Variants in MTDH observed in about 807,000 individuals in gnomAD.
MTDH encodes metadherin.
MTDH carries 34 observed loss-of-function variants against 72.7 expected under a neutral mutation model. The ratio of observed to expected loss-of-function variants is 0.47; its 90% CI spans 0.36 to 0.62. The LOEUF (loss-of-function observed/expected upper bound fraction) is 0.62. MTDH is among the 20% of genes least tolerant of loss of function. MTDH has a pLI of 0.00. For synonymous variants in MTDH, 266 were observed against 268.9 expected, an observed-to-expected ratio of 0.99 and a Z score of 0.10; for missense variants, 677 against 699.4, an observed-to-expected ratio of 0.97 and a Z score of 0.36.
intron 1 of MTDH, 39 bp downstream of exon 1, chr8:97,644,926 G>A (rs530284496): frequency 8.8e-5 from 131 of 1,493,602 alleles, no homozygotes; most frequent in Non-Finnish European, 1.1e-4. Context: ...ACGGGCGAAG[G>A]GCGGGCGTGG....
chr8:97,684,152 A>C (rs1164909555), intron 2 of MTDH, among the ~76,000 whole-genome samples: 1 of 152,008 alleles, frequency 6.6e-6, no homozygotes, highest in Non-Finnish European at 1.5e-5. Flanking sequence ...AAAAAAAAAA[A>C]AAACGACTAG....
At chr8:97,673,738 G>T (rs1032847249) in intron 2 of MTDH, among the ~76,000 whole-genome samples, 2 of 152,004 alleles carry the variant, frequency 1.3e-5, no homozygotes, top group African/African-American at 4.8e-5. Flanking sequence ...ACTCTGGGAG[G>T]CCAAGGCGGG....
chr8:97,690,688 TG>T (rs1009318200), intron 5 of MTDH, among the ~76,000 whole-genome samples: 7 of 152,212 alleles, frequency 4.6e-5, no homozygotes, highest in African/African-American at 1.4e-4. Flanking sequence ...ATATTCTTAG[TG>T]GGTGAGTATT....
chr8:97,698,048 T>G (rs1272193785), intron 6 of MTDH, among the ~76,000 whole-genome samples: 1 of 152,092 alleles, frequency 6.6e-6, no homozygotes, highest in Non-Finnish European at 1.5e-5. Context: ...AACATACATA[T>G]AGAGAGAGTA....
chr8:97,680,758 G>A lies in MTDH; in HGVS notation c.484-5910G>A, dbSNP rs990800620. Among the ~76,000 whole-genome samples, 6 of 152,166 alleles carry A rather than the reference G, an allele frequency of 3.9e-5. No individual in the cohort carries two copies. The South Asian group carries it at 6.2e-4, about 16-fold the overall frequency. On this transcript the variant is annotated intron_variant, in intron 2 of 11. Transcript: ENST00000336273. ...TTTCAGAGGTTTTGGGTTAAAGGTC[G>A]TTAGTTTCATGCAGTATCTGAACCC...
rs201471425 is a variant in MTDH, at chr8:97,697,235, T to C, written c.1049-2519T>C. Among the ~76,000 whole-genome samples, 5 of 147,354 alleles carry C rather than the reference T, an allele frequency of 3.4e-5. No homozygotes were observed. The East Asian group carries it at 7.9e-4, about 23-fold the overall frequency. On this transcript the variant is annotated intron_variant, in intron 6 of 11. Coordinates refer to ENST00000336273, the MANE Select transcript of MTDH (RefSeq NM_178812.4). ...ACCTAGAAAGGGGGTCAGCAAACTT[T>C]TTGTATAAAGGGACAGATAGTAAAC...
Position 97,644,473 on chromosome 8 carries a change from C to T in MTDH, c.-34C>T, listed in dbSNP as rs917431153. 1.3e-6 allele frequency: 2 copies of T among 1,536,990 alleles called. No individual in the cohort carries two copies. Among genetic ancestry groups the T allele is most frequent in the East Asian group, 5.0e-5 (2 of 40,278 alleles). ...ATTCCACTGCGTCTCCGCGCCCCGG[C>T]GTCATCCTGCGAGTCCCTCTGACGG... On this transcript the variant is annotated 5_prime_UTR_variant, in exon 1 of 12. Transcript: ENST00000336273.
intron 6 of MTDH, among the ~76,000 whole-genome samples, chr8:97,693,322 C>T (rs754683794): frequency 6.6e-6 from 1 of 151,814 alleles, no homozygotes; most frequent in Admixed American, 6.6e-5. Context: ...CTTTCTTGGT[C>T]ATTTCTTTTT....
At chr8:97,646,717 C>T (rs948121793) in intron 1 of MTDH, among the ~76,000 whole-genome samples, 3 of 152,142 alleles carry the variant, frequency 2.0e-5, no homozygotes, top group Non-Finnish European at 4.4e-5. Context: ...AGACTTACCC[C>T]CTCATTTTCA....
intron 1 of MTDH, among the ~76,000 whole-genome samples, chr8:97,645,127 T>G (rs1342719838): frequency 1.3e-5 from 2 of 152,150 alleles, no homozygotes; most frequent in African/African-American, 2.4e-5. Flanking sequence ...TTAGGAGGTC[T>G]GGGGGTCCGT....
chr8:97,691,189 G>T lies in MTDH; in HGVS notation c.1048+1G>T. 6.5e-7 allele frequency: 1 copy of T among 1,542,086 alleles called. No individual in the cohort carries two copies. The highest frequency in any genetic ancestry group is 8.8e-7 in the Non-Finnish European group (1 of 1,141,106). On this transcript the variant is annotated splice_donor_variant, in intron 6 of 11. Coordinates refer to ENST00000336273, the MANE Select transcript of MTDH (RefSeq NM_178812.4). LOFTEE classifies it high-confidence loss of function. ...GACCGTTCAATATTTTCTGGCATTG[G>T]TAAGAAGTGTTAGAAAAATTTAACT...
chr8:97,657,706 CTA>C (rs1812032268), intron 1 of MTDH, among the ~76,000 whole-genome samples: 1 of 151,998 alleles, frequency 6.6e-6, no homozygotes, highest in Non-Finnish European at 1.5e-5. Context: ...CAGGGTCTGT[CTA>C]TGTTACTTGG....
chr8:97,675,537 G>A (rs1812799857), intron 2 of MTDH, among the ~76,000 whole-genome samples: 1 of 147,476 alleles, frequency 6.8e-6, no homozygotes, highest in Admixed American at 6.8e-5. Context: ...TCCAGCCTGG[G>A]TGACAGAGCA....
intron 2 of MTDH, among the ~76,000 whole-genome samples, chr8:97,681,623 A>G (rs537803712): frequency 6.6e-6 from 1 of 150,782 alleles, no homozygotes; most frequent in South Asian, 2.1e-4. Context: ...CCTCCCGAGT[A>G]GCTGTGATTA....
chr8:97,706,501 A>G lies in MTDH; in HGVS notation c.1148-125A>G, dbSNP rs1453185614. The G allele has an allele frequency of 7.1e-6, 6 of 845,034 alleles. No individual in the cohort carries two copies. The East Asian group carries it at 1.8e-4, about 26-fold the overall frequency. The allele number at this position is 845,034 out of a possible 1,614,324, so 52.3% of individuals were successfully genotyped here. ...GTTATTTTTTTTTCTGGCTCTTAAAATGTGCTTGGGAGACAGAACAATAAC... is the reference window on the plus strand; with the variant it reads ...GTTATTTTTTTTTCTGGCTCTTAAAGTGTGCTTGGGAGACAGAACAATAAC... On this transcript the variant is annotated intron_variant, in intron 7 of 11. Transcript: ENST00000336273.
rs760592507 is a variant in MTDH, at chr8:97,729,644, A to G, written c.*4974A>G. 5.3e-5 allele frequency among the ~76,000 whole-genome samples: 8 copies of G among 152,148 alleles called. No homozygotes were observed. Among genetic ancestry groups the G allele is most frequent in the African/African-American group, 9.7e-5 (4 of 41,440 alleles). ...AGCAGCTAATAATGTTCCAACTTCTATATGATAGTTTGCTTTTTGTTTTTT... is the reference window on the plus strand; with the variant it reads ...AGCAGCTAATAATGTTCCAACTTCTGTATGATAGTTTGCTTTTTGTTTTTT... On this transcript the variant is annotated 3_prime_UTR_variant, in exon 12 of 12. Coordinates refer to ENST00000336273, the MANE Select transcript of MTDH (RefSeq NM_178812.4).
intron 6 of MTDH, among the ~76,000 whole-genome samples, chr8:97,698,251 T>G (rs1813953969): frequency 6.6e-6 from 1 of 152,112 alleles, no homozygotes; most frequent in African/African-American, 2.4e-5. Context: ...CATATCAGAG[T>G]CATCTAAGGA....
rs59102217 is a variant in MTDH, at chr8:97,697,150, A to ATTTTTT, written c.1049-2599_1049-2594dup. On this transcript the variant is annotated intron_variant, in intron 6 of 11. Coordinates refer to ENST00000336273, the MANE Select transcript of MTDH (RefSeq NM_178812.4). ...AAAAAATATATATATATATATATAT[A>ATTTTTT]TTTTTTTTTTGTGGACCCAGTTTAC... 5.7e-3 allele frequency among the ~76,000 whole-genome samples: 394 copies of ATTTTTT among 68,588 alleles called. 21 individuals carry two copies. The highest frequency in any genetic ancestry group is 0.032 in the African/African-American group (344 of 10,834). The allele number at this position is 68,588 out of a possible 152,430, so 45.0% of individuals were successfully genotyped here. A position where few individuals can be genotyped will look rare whatever the true frequency, so the allele number is the denominator to read the frequency against.
chr8:97,682,960 T>C (rs1813195630), intron 2 of MTDH, among the ~76,000 whole-genome samples: 1 of 146,628 alleles, frequency 6.8e-6, no homozygotes, highest in African/African-American at 2.5e-5. Flanking sequence ...GGAGACTAAA[T>C]AAGAGGTTAT....
Sources: allele counts gnomAD v4.1 joint callset (sites outside exome capture counted in the v4.1 genomes callset), GRCh38; gene constraint gnomAD v4.1.1; transcripts MANE v1.5; gene names NCBI Gene and HGNC (gene_info 2026-07-23, HGNC 2026-07-21).